The following SNRPB2 variants were observed in gnomAD, a reference collection of about 807,000 sequenced individuals.
SNRPB2 encodes small nuclear ribonucleoprotein polypeptide B2.
A neutral mutation model predicts 26.3 loss-of-function variants in SNRPB2; 16 were observed. The observed-to-expected ratio is 0.61, with a 90% CI of 0.41 to 0.92. SNRPB2 has a LOEUF of 0.92. Among genes scored for constraint, SNRPB2 ranks in the 40% least tolerant of loss-of-function variants. The probability of loss-of-function intolerance (pLI) is 0.00; values close to 1 mark genes in which losing one functional copy is unlikely to be tolerated. For synonymous variants in SNRPB2, 75 were observed against 89.0 expected (o/e 0.84, Z 0.88); for missense variants, 179 against 268.1 (o/e 0.67, Z 2.32).
intron 2 of SNRPB2, 65 bp downstream of exon 2, chr20:16,731,831 T>A (rs2072393762): frequency 6.2e-7 from 1 of 1,600,666 alleles, no homozygotes; most frequent in Non-Finnish European, 8.5e-7. Flanking sequence ...TCTTAAAAAT[T>A]GTACTGCCTC....
intron 2 of SNRPB2, 34 bp downstream of exon 2, chr20:16,731,800 A>T (rs374485489): frequency 4.0e-5 from 64 of 1,609,732 alleles, no homozygotes; most frequent in African/African-American, 6.7e-5. Context: ...TTCACTACTA[A>T]AATGTGTTTA....
chr20:16,740,713 G>A (rs947938921), intron 6 of SNRPB2, 133 bp from the exon 7 acceptor site: 19 of 712,658 alleles, frequency 2.7e-5, no homozygotes, highest in South Asian at 2.3e-4. Flanking sequence ...AGGCTCTTCC[G>A]TCTACTCAGT....
intron 5 of SNRPB2, 43 bp downstream of exon 5, chr20:16,738,945 T>A (rs765974512): frequency 2.1e-5 from 27 of 1,306,920 alleles, no homozygotes; most frequent in Non-Finnish European, 3.0e-5. Flanking sequence ...AATAAGATTG[T>A]AAAAATTACA....
In SNRPB2 at chr20:16,738,579, A is replaced by C. The variant is rs529378738; in HGVS notation, c.379-273A>C. On this transcript the variant is annotated intron_variant, in intron 4 of 6. Coordinates refer to ENST00000246071, the MANE Select transcript of SNRPB2 (RefSeq NM_003092.5). ...TAAGACTAGGCCTTGGTTTTCTCTTATATATTTCTCCATAATTTTAAAGCT... is the reference window on the plus strand; with the variant it reads ...TAAGACTAGGCCTTGGTTTTCTCTTCTATATTTCTCCATAATTTTAAAGCT... Among the ~76,000 whole-genome samples, 78 of 152,126 alleles carry C rather than the reference A, an allele frequency of 5.1e-4. 2 individuals are homozygous for C. The highest frequency in any genetic ancestry group is 1.8e-3 in the African/African-American group (74 of 41,500).
chr20:16,737,502 G>A (rs2122504694), intron 4 of SNRPB2, 101 bp downstream of exon 4: 2 of 1,017,786 alleles, frequency 2.0e-6, no homozygotes, highest in East Asian at 2.7e-5. Context: ...CTGTATATGT[G>A]CATAAATGTG....
In SNRPB2 at chr20:16,741,205, A is replaced by G. The variant is rs771592239; in HGVS notation, c.*200A>G. 4 of 466,494 alleles carry G rather than the reference A, an allele frequency of 8.6e-6. No homozygotes were observed. Among genetic ancestry groups the G allele is most frequent in the Admixed American group, 3.7e-5 (1 of 26,920 alleles). The allele number at this position is 466,494 out of a possible 1,614,324, so 28.9% of individuals were successfully genotyped here. ...CCTTAATTTTGTACAATAAACTTTT[A>G]TTTGTATTCTGTGTATATAATGCTT... On this transcript the variant is annotated 3_prime_UTR_variant, in exon 7 of 7. Coordinates refer to ENST00000246071, the MANE Select transcript of SNRPB2 (RefSeq NM_003092.5).
intron 3 of SNRPB2, among the ~76,000 whole-genome samples, chr20:16,735,485 T>C (rs115375216): frequency 1.7e-3 from 264 of 152,256 alleles, no homozygotes; most frequent in African/African-American, 6.2e-3. Context: ...TCATTGGCGC[T>C]GAGTATAGTT....
At position 16,740,471 on chromosome 20, in the gene SNRPB2, C is replaced by G. The variant is rs969010595; in HGVS notation, c.518+58C>G. 1.3e-5 allele frequency: 21 copies of G among 1,595,602 alleles called. No individual in the cohort carries two copies. The African/African-American group carries it at 2.6e-4, about 19-fold the overall frequency. The stretch of plus-strand genomic sequence containing the variant: ...GAGCTTCCTCACAGGACAAGTAGTA[C>G]TTCCGTGGGTTGAATCCATTTATCA... On this transcript the variant is annotated intron_variant, in intron 6 of 6. Coordinates refer to ENST00000246071, the MANE Select transcript of SNRPB2 (RefSeq NM_003092.5).
intron 5 of SNRPB2, among the ~76,000 whole-genome samples, chr20:16,739,621 TC>T (rs1265762064): frequency 2.0e-5 from 3 of 152,218 alleles, no homozygotes; most frequent in Non-Finnish European, 2.9e-5. Flanking sequence ...CAGCACTTAA[TC>T]CTCTAAGCCT....
rs1306898920 is a variant in SNRPB2, at chr20:16,741,571, G to A, written c.*566G>A. 1 of 152,158 alleles carries A rather than the reference G, an allele frequency of 6.6e-6. No homozygotes were observed. The highest frequency in any genetic ancestry group is 1.9e-4 in the East Asian group (1 of 5,198). The allele number at this position is 152,158 out of a possible 1,614,324, so 9.4% of individuals were successfully genotyped here. ...CTTCATTCAGTATTAAATAAAGGCT[G>A]TTCTTACTGTTTACTGAGAAAACAG... On this transcript the variant is annotated 3_prime_UTR_variant, in exon 7 of 7. Coordinates refer to ENST00000246071, the MANE Select transcript of SNRPB2 (RefSeq NM_003092.5).
At chr20:16,737,036 G>GT (rs913757941) in intron 3 of SNRPB2, among the ~76,000 whole-genome samples, 4 of 152,068 alleles carry the variant, frequency 2.6e-5, no homozygotes, top group Non-Finnish European at 5.9e-5. Flanking sequence ...GAAAATATAT[G>GT]TTTTTTTAAT....
chr20:16,737,741 C>T (rs111258155), intron 4 of SNRPB2, among the ~76,000 whole-genome samples: 156 of 152,232 alleles, frequency 1.0e-3, no homozygotes, highest in African/African-American at 3.5e-3. Context: ...GTACTTCACT[C>T]AAAGTATCTT....
intron 3 of SNRPB2, among the ~76,000 whole-genome samples, chr20:16,733,363 C>A (rs1167789651): frequency 6.6e-6 from 1 of 152,206 alleles, no homozygotes; most frequent in East Asian, 1.9e-4. Flanking sequence ...TTCATGTAGG[C>A]CATGCTAATG....
intron 2 of SNRPB2, 94 bp from the exon 3 acceptor site, chr20:16,732,070 A>G: frequency 1.3e-6 from 1 of 744,104 alleles, no homozygotes. Flanking sequence ...AAATAAGTGA[A>G]TGGTGGGGGG....
intron 3 of SNRPB2, among the ~76,000 whole-genome samples, chr20:16,733,547 A>C (rs2072406620): frequency 6.6e-6 from 1 of 152,050 alleles, no homozygotes; most frequent in South Asian, 2.1e-4. Flanking sequence ...TAGTATTGTG[A>C]TTTTTTTTCT....
At chr20:16,738,984 C>G (rs2072446048) in intron 5 of SNRPB2, 82 bp downstream of exon 5, 2 of 900,102 alleles carry the variant, frequency 2.2e-6, no homozygotes, top group East Asian at 5.0e-5. Context: ...TTCCATGTCT[C>G]CAAAAACAAA....
intron 4 of SNRPB2, 82 bp downstream of exon 4, chr20:16,737,483 T>C: frequency 7.6e-7 from 1 of 1,311,844 alleles, no homozygotes; most frequent in Non-Finnish European, 1.0e-6. Context: ...GGAATGATCT[T>C]AGGCTTGTCT....
In SNRPB2 at chr20:16,741,779, T is replaced by C. The variant is rs2122510455; in HGVS notation, c.*774T>C. The stretch of plus-strand genomic sequence containing the variant: ...TAATAAAGAGTTGCCAGTGCTAAGC[T>C]TGCTACTTCTTTGTAATTCTTAAAC... On this transcript the variant is annotated 3_prime_UTR_variant, in exon 7 of 7. Transcript: ENST00000246071. 1 of 152,344 alleles carries C rather than the reference T, an allele frequency of 6.6e-6. No individual in the cohort carries two copies. Among genetic ancestry groups the C allele is most frequent in the East Asian group, 1.9e-4 (1 of 5,182 alleles). 9.4% of individuals were successfully genotyped at this position (152,344 alleles called of 1,614,324 possible). A position where few individuals can be genotyped will look rare whatever the true frequency, so the allele number is the denominator to read the frequency against.
chr20:16,732,838 G>C (rs1473690391), intron 3 of SNRPB2, among the ~76,000 whole-genome samples: 1 of 152,204 alleles, frequency 6.6e-6, no homozygotes, highest in Non-Finnish European at 1.5e-5. Context: ...TATGAATGGA[G>C]AGTTTTAAAC....
Sources: allele counts gnomAD v4.1 joint callset (sites outside exome capture counted in the v4.1 genomes callset), GRCh38; gene constraint gnomAD v4.1.1; transcripts MANE v1.5; gene names NCBI Gene and HGNC (gene_info 2026-07-23, HGNC 2026-07-21).